The following RASEF variants were observed in gnomAD, a reference collection of about 807,000 sequenced individuals.
RASEF encodes RAS and EF-hand domain containing, also known as ras and EF-hand domain-containing protein.
Under a neutral mutation model 90.1 loss-of-function variants are expected in RASEF, and 68 were observed. The observed-to-expected ratio is 0.75, with a 90% CI of 0.62 to 0.92. RASEF has a LOEUF of 0.92. Among genes scored for constraint, RASEF ranks in the 40% least tolerant of loss-of-function variants. RASEF has a pLI of 0.00. For missense variants in RASEF, 949 were observed against 937.2 expected, an observed-to-expected ratio of 1.01 and a Z score of -0.16; for synonymous variants, 331 against 345.2, an observed-to-expected ratio of 0.96 and a Z score of 0.46.
chr9:83,188,270 C>A, the RASEF span, among the ~76,000 whole-genome samples: 1 of 152,024 alleles, frequency 6.6e-6, no homozygotes, highest in East Asian at 1.9e-4. Context: ...ATAATAATGG[C>A]CAGGAAGGTG....
chr9:83,082,374 C>T, the RASEF span, among the ~76,000 whole-genome samples: 2,673 of 152,276 alleles, frequency 0.018, 65 homozygotes, highest in African/African-American at 0.06. Context: ...TGAATAACAA[C>T]GCTTGATTAG....
intron 14 of RASEF, among the ~76,000 whole-genome samples, chr9:82,995,248 T>C (rs2118412396): frequency 6.6e-6 from 1 of 152,312 alleles, no homozygotes; most frequent in African/African-American, 2.4e-5. Context: ...GTGCCTCCTT[T>C]TCTTGAGCAT....
chr9:83,169,350 T>TACACACACACACACACACACACAC, the RASEF span, among the ~76,000 whole-genome samples: 1 of 145,994 alleles, frequency 6.8e-6, no homozygotes, highest in African/African-American at 2.5e-5. Flanking sequence ...CTGATTTCCA[T>TACACACACACACACACACACACAC]ACACACACAC....
At chr9:83,181,997 C>A in the RASEF span, among the ~76,000 whole-genome samples, 5 of 152,188 alleles carry the variant, frequency 3.3e-5, no homozygotes, top group African/African-American at 1.2e-4. Context: ...ATCCCCTGCT[C>A]AGAACACTCC....
chr9:83,119,725 G>A, the RASEF span, among the ~76,000 whole-genome samples: 1 of 152,132 alleles, frequency 6.6e-6, no homozygotes, highest in Non-Finnish European at 1.5e-5. Context: ...CAAGTGCTAT[G>A]GGAGGGACCC....
the RASEF span, among the ~76,000 whole-genome samples, chr9:83,075,696 TA>T: frequency 6.6e-6 from 1 of 152,130 alleles, no homozygotes; most frequent in Non-Finnish European, 1.5e-5. Flanking sequence ...GATACATTCA[TA>T]GTCCTCCAAA....
the RASEF span, among the ~76,000 whole-genome samples, chr9:83,070,029 A>G: frequency 1.3e-5 from 2 of 152,132 alleles, no homozygotes; most frequent in East Asian, 1.9e-4. Context: ...AGTTCTTTAC[A>G]TATTCTGGAA....
At chr9:83,133,140 G>T in the RASEF span, among the ~76,000 whole-genome samples, 1 of 152,110 alleles carries the variant, frequency 6.6e-6, no homozygotes, top group Admixed American at 6.5e-5. Flanking sequence ...AAGAGAGAGA[G>T]ATTTTGTTCC....
At chr9:83,085,838 T>A in the RASEF span, among the ~76,000 whole-genome samples, 1 of 151,846 alleles carries the variant, frequency 6.6e-6, no homozygotes, top group African/African-American at 2.4e-5. Context: ...GACAGAAGAA[T>A]CGCTGGAATC....
the RASEF span, among the ~76,000 whole-genome samples, chr9:83,136,284 A>G: frequency 2.6e-5 from 4 of 152,136 alleles, no homozygotes; most frequent in East Asian, 7.7e-4. Flanking sequence ...AATTTATTTT[A>G]TTTGCATGGT....
intron 7 of RASEF, 70 bp from the exon 8 acceptor site, chr9:83,005,570 C>A: frequency 8.9e-7 from 1 of 1,128,602 alleles, no homozygotes; most frequent in Non-Finnish European, 1.4e-6. Context: ...TCATCACTTT[C>A]TTTTCTAGCT....
At chr9:83,147,030 A>ATATATATG in the RASEF span, among the ~76,000 whole-genome samples, 1 of 119,358 alleles carries the variant, frequency 8.4e-6, no homozygotes, top group Non-Finnish European at 1.7e-5. Flanking sequence ...GTGTGTGTGT[A>ATATATATG]TATATATATG....
chr9:83,084,009 T>C, the RASEF span, among the ~76,000 whole-genome samples: 2 of 152,112 alleles, frequency 1.3e-5, no homozygotes, highest in Non-Finnish European at 2.9e-5. Context: ...AATACATAAA[T>C]AATTTATTTT....
chr9:83,169,740 T>A, the RASEF span, among the ~76,000 whole-genome samples: 6 of 152,140 alleles, frequency 3.9e-5, no homozygotes, highest in African/African-American at 1.4e-4. Context: ...CATTTGTATG[T>A]CTTCTTTTGG....
At chr9:83,060,462 G>A (rs1270449059) in intron 1 of RASEF, among the ~76,000 whole-genome samples, 1 of 152,154 alleles carries the variant, frequency 6.6e-6, no homozygotes, top group Middle Eastern at 3.2e-3. Flanking sequence ...GCATCTTGAG[G>A]GCATGAACTA....
At chr9:83,112,511 C>A in the RASEF span, among the ~76,000 whole-genome samples, 2 of 151,994 alleles carry the variant, frequency 1.3e-5, no homozygotes, top group Admixed American at 1.3e-4. Flanking sequence ...ATGGAGAAAC[C>A]CCGTCTCTAC....
At chr9:83,049,546 T>TTTA (rs1255483090) in intron 1 of RASEF, among the ~76,000 whole-genome samples, 8 of 144,570 alleles carry the variant, frequency 5.5e-5, no homozygotes, top group African/African-American at 2.2e-4. Flanking sequence ...TTTTTTTTTT[T>TTTA]TTTTTTATTA....
At chr9:83,073,966 C>T in the RASEF span, among the ~76,000 whole-genome samples, 1 of 152,146 alleles carries the variant, frequency 6.6e-6, no homozygotes, top group Non-Finnish European at 1.5e-5. Flanking sequence ...ACAATTATTT[C>T]TTGATTATTT....
the RASEF span, among the ~76,000 whole-genome samples, chr9:83,119,469 TG>T: frequency 6.6e-6 from 1 of 152,164 alleles, no homozygotes; most frequent in South Asian, 2.1e-4. Flanking sequence ...GCTTTACCAA[TG>T]GTTATCCTAC....
Sources: allele counts gnomAD v4.1 joint callset (sites outside exome capture counted in the v4.1 genomes callset), GRCh38; gene constraint gnomAD v4.1.1; transcripts MANE v1.5; gene names NCBI Gene and HGNC (gene_info 2026-07-23, HGNC 2026-07-21).